PRMT3: variants seen among roughly 807,000 people sequenced by gnomAD.
The protein encoded by PRMT3 is protein arginine N-methyltransferase 3.
A neutral mutation model predicts 71.9 loss-of-function variants in PRMT3; 62 were observed. The ratio of observed to expected loss-of-function variants is 0.86; its 90% CI spans 0.70 to 1.07. The LOEUF (loss-of-function observed/expected upper bound fraction) is 1.07, where lower values mean the gene tolerates loss of function less well. PRMT3 is among the 50% of genes least tolerant of loss of function. PRMT3 has a pLI of 0.00. For synonymous variants in PRMT3, 213 were observed against 220.4 expected, an observed-to-expected ratio of 0.97 and a Z score of 0.30; for missense variants, 663 against 643.0, an observed-to-expected ratio of 1.03 and a Z score of -0.34.
At chr11:20,487,782 A>T (rs1236312462) in intron 13 of PRMT3, among the ~76,000 whole-genome samples, 1 of 152,352 alleles carries the variant, frequency 6.6e-6, no homozygotes, top group South Asian at 2.1e-4. Context: ...TGAAATGTCA[A>T]AATGAAAGTA....
At chr11:20,406,533 CCATT>C (rs1361967824) in intron 8 of PRMT3, 21 of 152,232 alleles carry the variant, frequency 1.4e-4, no homozygotes, top group African/African-American at 4.6e-4. Context: ...TTTTGCTTAT[CCATT>C]CATTCATCTG....
chr11:20,456,246 T>C (rs993502780), intron 11 of PRMT3, among the ~76,000 whole-genome samples: 5 of 152,102 alleles, frequency 3.3e-5, no homozygotes, highest in Non-Finnish European at 5.9e-5. Context: ...AAGAAGGAAA[T>C]ACAGATGACT....
chr11:20,498,014 G>A (rs1851372355), intron 15 of PRMT3, among the ~76,000 whole-genome samples: 1 of 152,180 alleles, frequency 6.6e-6, no homozygotes, highest in Admixed American at 6.5e-5. Context: ...TGTGAACATA[G>A]CGAAGAGAAT....
intron 9 of PRMT3, among the ~76,000 whole-genome samples, chr11:20,426,116 G>A (rs1849539704): frequency 6.6e-6 from 1 of 152,188 alleles, no homozygotes; most frequent in African/African-American, 2.4e-5. Context: ...GAGTGCCACT[G>A]GTCAAGGTTA....
chr11:20,500,232 A>G (rs769885021), intron 15 of PRMT3, among the ~76,000 whole-genome samples: 13 of 152,234 alleles, frequency 8.5e-5, no homozygotes, highest in Non-Finnish European at 1.5e-4. Flanking sequence ...ATTTAAAACT[A>G]TAGAACATTG....
chr11:20,460,503 C>T (rs1324761225), intron 11 of PRMT3, among the ~76,000 whole-genome samples: 3 of 152,120 alleles, frequency 2.0e-5, no homozygotes, highest in African/African-American at 7.2e-5. Context: ...TCCAGCTTCT[C>T]GGTCAAGTCC....
intron 11 of PRMT3, among the ~76,000 whole-genome samples, chr11:20,460,761 C>T (rs972905491): frequency 3.3e-5 from 5 of 152,168 alleles, no homozygotes; most frequent in African/African-American, 1.2e-4. Context: ...GTACCACAAT[C>T]TGTGCTGTTA....
chr11:20,494,151 A>C lies in PRMT3; in HGVS notation c.1399-16A>C. The C allele has an allele frequency of 6.3e-7, 1 of 1,578,362 alleles. No individual in the cohort carries two copies. Among genetic ancestry groups the C allele is most frequent in the Non-Finnish European group, 8.7e-7 (1 of 1,148,022 alleles). On this transcript the variant is annotated splice_polypyrimidine_tract_variant and intron_variant, in intron 14 of 15. Coordinates refer to ENST00000331079, the MANE Select transcript of PRMT3 (RefSeq NM_005788.4). ...TCTTGTACTTCATCAAATACCTTTGAACTTTACCAATTCAGGTCGTGTTCT... is the reference window on the plus strand; with the variant it reads ...TCTTGTACTTCATCAAATACCTTTGCACTTTACCAATTCAGGTCGTGTTCT...
intron 10 of PRMT3, among the ~76,000 whole-genome samples, chr11:20,430,142 C>T (rs989844681): frequency 4.6e-5 from 7 of 152,070 alleles, no homozygotes; most frequent in African/African-American, 1.7e-4. Flanking sequence ...AGACTCCTGT[C>T]TTTATTTATT....
In PRMT3 at chr11:20,402,644, G is replaced by A. The variant is rs1848975124; in HGVS notation, c.706-275G>A. 2.0e-5 allele frequency among the ~76,000 whole-genome samples: 3 copies of A among 152,080 alleles called. No individual in the cohort carries two copies. The South Asian group carries it at 6.2e-4, about 31-fold the overall frequency. On this transcript the variant is annotated intron_variant, in intron 7 of 15. Transcript: ENST00000331079. ...TTATTAGCTTTAATTATCACTCTAA[G>A]TCTTATGGTGATAATGCACGTCAAG... is the stretch of plus-strand genomic sequence containing the variant.
intron 5 of PRMT3, 121 bp downstream of exon 5, chr11:20,393,120 GTAGT>G (rs1296764599): frequency 1.6e-5 from 11 of 685,438 alleles, no homozygotes; most frequent in South Asian, 1.9e-5. Context: ...GCTTCATCAG[GTAGT>G]TAGTTTCAGT....
intron 8 of PRMT3, among the ~76,000 whole-genome samples, chr11:20,405,078 T>A (rs2133318178): frequency 6.6e-6 from 1 of 152,254 alleles, no homozygotes; most frequent in Non-Finnish European, 1.5e-5. Context: ...CTTTCCTTTT[T>A]TCCTTCCCTT....
intron 15 of PRMT3, among the ~76,000 whole-genome samples, chr11:20,506,201 A>G (rs1343984580): frequency 1.3e-5 from 2 of 152,224 alleles, no homozygotes; most frequent in Non-Finnish European, 2.9e-5. Flanking sequence ...TAAGTGTTGA[A>G]TAAATATAAG....
chr11:20,442,937 C>G (rs1291157602), intron 10 of PRMT3, among the ~76,000 whole-genome samples: 1 of 152,068 alleles, frequency 6.6e-6, no homozygotes, highest in Non-Finnish European at 1.5e-5. Flanking sequence ...TGGCTTATAC[C>G]TGTAATCCCA....
intron 9 of PRMT3, among the ~76,000 whole-genome samples, chr11:20,408,994 G>T (rs1443462189): frequency 6.6e-6 from 1 of 152,142 alleles, no homozygotes; most frequent in Non-Finnish European, 1.5e-5. Flanking sequence ...CTACTTGGGA[G>T]ACTGAGGCAG....
chr11:20,492,071 A>T (rs1275759349), intron 13 of PRMT3, among the ~76,000 whole-genome samples: 1 of 152,234 alleles, frequency 6.6e-6, no homozygotes, highest in Non-Finnish European at 1.5e-5. Flanking sequence ...TAAGGGGCAT[A>T]GAAGTGAGTT....
chr11:20,388,277 C>G (rs952414692), intron 2 of PRMT3, 123 bp downstream of exon 2: 62 of 1,415,732 alleles, frequency 4.4e-5, no homozygotes, highest in Non-Finnish European at 6.0e-5. Context: ...TCTGGAACCA[C>G]TGGTCTGGGG....
intron 8 of PRMT3, chr11:20,405,413 G>A (rs2133318722): frequency 6.6e-6 from 1 of 151,894 alleles, no homozygotes; most frequent in Non-Finnish European, 1.5e-5. Context: ...TCAAATTTTA[G>A]CTAATCTGCT....
chr11:20,479,296 A>C (rs150923028), intron 13 of PRMT3, among the ~76,000 whole-genome samples: 1 of 152,202 alleles, frequency 6.6e-6, no homozygotes, highest in Admixed American at 6.5e-5. Context: ...GTAGTAGCAT[A>C]TGCTAGGAGC....
Sources: gnomAD v4.1 joint callset for allele counts (sites outside exome capture counted in the v4.1 genomes callset) on GRCh38, gnomAD v4.1.1 for gene constraint, MANE v1.5 for transcripts, NCBI Gene and HGNC (gene_info 2026-07-23, HGNC 2026-07-21) for gene names.